ZNF445: variants seen among roughly 807,000 people sequenced by gnomAD.
ZNF445 encodes the protein zinc finger protein 168.
ZNF445 carries 19 observed loss-of-function variants against 93.9 expected under a neutral mutation model. The ratio of observed to expected loss-of-function variants is 0.20; its 90% CI spans 0.14 to 0.30. The LOEUF is 0.30. ZNF445 is among the 10% of genes least tolerant of loss of function. The probability of loss-of-function intolerance (pLI) is 1.00; values close to 1 mark genes in which losing one functional copy is unlikely to be tolerated. For missense variants in ZNF445, 1,058 were observed against 1,259.4 expected, an observed-to-expected ratio of 0.84 and a Z score of 2.42; for synonymous variants, 449 against 446.3, an observed-to-expected ratio of 1.01 and a Z score of -0.08.
rs1323315871 is a variant in ZNF445, at chr3:44,445,207, G to T, written c.*1368C>A. The T allele has an allele frequency of 6.6e-6, 1 of 152,226 alleles. No individual in the cohort carries two copies. The highest frequency in any genetic ancestry group is 6.5e-5 in the Admixed American group (1 of 15,282). The allele number at this position is 152,226 out of a possible 1,614,324, so 9.4% of individuals were successfully genotyped here. A position where few individuals can be genotyped will look rare whatever the true frequency, so the allele number is the denominator to read the frequency against. On this transcript the variant is annotated 3_prime_UTR_variant, in exon 8 of 8. Transcript: ENST00000396077. ...GGGCTAGAGACATGAACACAACAAT[G>T]GTAAGCGTTTATATCTGCTGAGGCC...
At chr3:44,452,233 T>C (rs1697967345) in intron 3 of ZNF445, among the ~76,000 whole-genome samples, 1 of 152,080 alleles carries the variant, frequency 6.6e-6, no homozygotes, top group Non-Finnish European at 1.5e-5. Flanking sequence ...ACAGTCTTTA[T>C]ACCAATATGG....
intron 1 of ZNF445, among the ~76,000 whole-genome samples, chr3:44,464,587 AT>A (rs1698165951): frequency 6.6e-6 from 1 of 152,206 alleles, no homozygotes; most frequent in Admixed American, 6.5e-5. Context: ...AAATGGAAAC[AT>A]TTGGTCTAAA....
Position 44,442,271 on chromosome 3 carries a change from A to C in ZNF445, c.*4304T>G, listed in dbSNP as rs1179104035. The C allele has an allele frequency of 6.6e-6, 1 of 152,202 alleles. No homozygotes were observed. The highest frequency in any genetic ancestry group is 6.5e-5 in the Admixed American group (1 of 15,272). 9.4% of individuals were successfully genotyped at this position (152,202 alleles called of 1,614,324 possible). On this transcript the variant is annotated 3_prime_UTR_variant, in exon 8 of 8. Coordinates refer to ENST00000396077, the MANE Select transcript of ZNF445 (RefSeq NM_181489.6). Reference sequence around the variant, plus strand: ...GCTGATGAAATGCAGGCTTTTCCCAATCTTGCTACCTAAACAATACTTCAG... The same window carrying C: ...GCTGATGAAATGCAGGCTTTTCCCACTCTTGCTACCTAAACAATACTTCAG...
chr3:44,464,940 G>A (rs989017637), intron 1 of ZNF445, among the ~76,000 whole-genome samples: 4 of 151,542 alleles, frequency 2.6e-5, no homozygotes, highest in South Asian at 2.1e-4. Context: ...GGTGGCATGC[G>A]CCTGTAGTCC....
chr3:44,469,946 ACT>A (rs1352026778), intron 1 of ZNF445, among the ~76,000 whole-genome samples: 16 of 152,166 alleles, frequency 1.1e-4, no homozygotes, highest in African/African-American at 3.9e-4. Flanking sequence ...GCCCGAGGCC[ACT>A]CTTTTTTCTC....
At chr3:44,471,455 CA>C (rs1484313009) in intron 1 of ZNF445, among the ~76,000 whole-genome samples, 3 of 152,156 alleles carry the variant, frequency 2.0e-5, no homozygotes, top group African/African-American at 7.2e-5. Context: ...ACCCTGTGCA[CA>C]AAGTCACAGA....
chr3:44,477,440 C>A (rs988643016), intron 1 of ZNF445, among the ~76,000 whole-genome samples, 151 bp downstream of exon 1: 6 of 151,488 alleles, frequency 4.0e-5, no homozygotes, highest in African/African-American at 1.4e-4. Context: ...GTGGCGGGGG[C>A]GGGATCCACC....
In ZNF445 at chr3:44,442,783, C is replaced by T. The variant is rs1341375744; in HGVS notation, c.*3792G>A. ...TCAACTGAAGCCAAACAGCTCAGAA[C>T]CACCCACAGCCGGGTTCCTAACCAG... On this transcript the variant is annotated 3_prime_UTR_variant, in exon 8 of 8. Coordinates refer to ENST00000396077, the MANE Select transcript of ZNF445 (RefSeq NM_181489.6). 3 of 152,162 alleles carry T rather than the reference C, an allele frequency of 2.0e-5. No individual in the cohort carries two copies. The highest frequency in any genetic ancestry group is 1.3e-4 in the Admixed American group (2 of 15,272). 9.4% of individuals were successfully genotyped at this position (152,162 alleles called of 1,614,324 possible).
chr3:44,464,599 TTAAGA>T (rs1428177047), intron 1 of ZNF445, among the ~76,000 whole-genome samples: 14 of 152,244 alleles, frequency 9.2e-5, no homozygotes, highest in Admixed American at 7.8e-4. Context: ...TTGGTCTAAA[TTAAGA>T]TATCAGATTT....
chr3:44,452,503 T>A (rs999878849), intron 3 of ZNF445, among the ~76,000 whole-genome samples: 1 of 152,202 alleles, frequency 6.6e-6, no homozygotes, highest in Non-Finnish European at 1.5e-5. Flanking sequence ...TTTCTCTTCA[T>A]TTTCCAAATT....
At chr3:44,472,791 A>C (rs766366764) in intron 1 of ZNF445, among the ~76,000 whole-genome samples, 2 of 152,244 alleles carry the variant, frequency 1.3e-5, no homozygotes, top group Non-Finnish European at 2.9e-5. Flanking sequence ...TTTTAAGCAT[A>C]GAAGAAAAGC....
Position 44,439,555 on chromosome 3 carries a change from A to G in ZNF445, c.*7020T>C, listed in dbSNP as rs1260077178. 6.6e-6 allele frequency: 1 copy of G among 152,296 alleles called. No homozygotes were observed. The highest frequency in any genetic ancestry group is 6.5e-5 in the Admixed American group (1 of 15,278). The allele number at this position is 152,296 out of a possible 1,614,324, so 9.4% of individuals were successfully genotyped here. ...CCAAAGGCCACAGGGCCCCTCCCTG[A>G]GCACAGACACTATGTCAGCCCAGCA... On this transcript the variant is annotated 3_prime_UTR_variant, in exon 8 of 8. Coordinates refer to ENST00000396077, the MANE Select transcript of ZNF445 (RefSeq NM_181489.6).
At chr3:44,471,058 A>C (rs1323461979) in intron 1 of ZNF445, among the ~76,000 whole-genome samples, 1 of 152,234 alleles carries the variant, frequency 6.6e-6, no homozygotes, top group Non-Finnish European at 1.5e-5. Flanking sequence ...AGCCAGCAAC[A>C]ATGGAAGAAA....
In ZNF445 at chr3:44,446,449, C is replaced by T; in HGVS notation, c.*126G>A. 1 of 1,407,266 alleles carries T rather than the reference C, an allele frequency of 7.1e-7. No individual in the cohort carries two copies. The highest frequency in any genetic ancestry group is 1.4e-5 in the African/African-American group (1 of 69,318). 87.2% of individuals were successfully genotyped at this position (1,407,266 alleles called of 1,614,324 possible). The stretch of plus-strand genomic sequence containing the variant: ...CCCGAGCTTTCAAATCCTTGGGATT[C>T]TGTCACTAGCTTCCAAAACAGAAAG... On this transcript the variant is annotated 3_prime_UTR_variant, in exon 8 of 8. Transcript: ENST00000396077. This position sits in a 1 kb window ranked among gnomAD's most constrained non-coding sequence, Gnocchi z 4.2.
chr3:44,459,450 T>A lies in ZNF445; in HGVS notation c.-268-1086A>T, dbSNP rs563889383. Among the ~76,000 whole-genome samples, 29 of 152,310 alleles carry A rather than the reference T, an allele frequency of 1.9e-4. No homozygotes were observed. The South Asian group carries it at 5.4e-3, about 28-fold the overall frequency. On this transcript the variant is annotated intron_variant, in intron 1 of 7. Transcript: ENST00000396077. ...TTCATGATGACAATTCTTCCTAAGG[T>A]AATGTGTGGTTAATAAAATCCCAAC... is the stretch of plus-strand genomic sequence containing the variant.
intron 1 of ZNF445, among the ~76,000 whole-genome samples, chr3:44,471,699 A>G (rs1420070220): frequency 2.6e-5 from 4 of 152,234 alleles, no homozygotes; most frequent in African/African-American, 9.6e-5. Flanking sequence ...GCAATCATCC[A>G]GGGATAAAAA....
intron 1 of ZNF445, among the ~76,000 whole-genome samples, chr3:44,475,334 G>T (rs1575320262): frequency 6.6e-6 from 1 of 152,066 alleles, no homozygotes; most frequent in Non-Finnish European, 1.5e-5. Context: ...AAGTAGCTGG[G>T]ATTACAGGTG....
In ZNF445 at chr3:44,441,325, T is replaced by C. The variant is rs549194197; in HGVS notation, c.*5250A>G. The C allele has an allele frequency of 3.9e-5, 6 of 152,376 alleles. No individual in the cohort carries two copies. Among genetic ancestry groups the C allele is most frequent in the African/African-American group, 1.4e-4 (6 of 41,586 alleles). 9.4% of individuals were successfully genotyped at this position (152,376 alleles called of 1,614,324 possible). Reference sequence around the variant, plus strand: ...TGAGGACAACCAGAGGTCACTTTCATTGCCATCTTGGTTTTGACCGGCTTC... The same window carrying C: ...TGAGGACAACCAGAGGTCACTTTCACTGCCATCTTGGTTTTGACCGGCTTC... On this transcript the variant is annotated 3_prime_UTR_variant, in exon 8 of 8. Coordinates refer to ENST00000396077, the MANE Select transcript of ZNF445 (RefSeq NM_181489.6).
In ZNF445 at chr3:44,447,901, G is replaced by A; in HGVS notation, c.1770C>T (p.Asp590=). The change falls in exon 8 of 8, where the codon GAC becomes GAT. Residue 590 remains aspartate (D), a synonymous_variant. Transcript: ENST00000396077. This position sits in a 1 kb window ranked among gnomAD's most constrained non-coding sequence, Gnocchi z 4.7. The stretch of plus-strand genomic sequence containing the variant: ...AGTCAAAGAGTTTCTCCCCACTTTG[G>A]TCTCCCAAATGATGATCAAACCCTG... ...YSSGFDHHLG[D]QSGEKLFDCS... 1 of 1,613,728 alleles carries A rather than the reference G, an allele frequency of 6.2e-7. No individual in the cohort carries two copies. Among genetic ancestry groups the A allele is most frequent in the Non-Finnish European group, 8.5e-7 (1 of 1,180,012 alleles).
Sources: allele counts gnomAD v4.1 joint callset (sites outside exome capture counted in the v4.1 genomes callset), GRCh38; gene constraint gnomAD v4.1.1; non-coding constraint Gnocchi (gnomAD v3.1); transcripts MANE v1.5; gene names NCBI Gene and HGNC (gene_info 2026-07-23, HGNC 2026-07-21).